Variants in VAT1L observed in about 807,000 individuals in gnomAD.
VAT1L encodes vesicle amine transport 1 like.
A neutral mutation model predicts 44.1 loss-of-function variants in VAT1L; 34 were observed. The observed-to-expected ratio is 0.77, with a 90% CI of 0.59 to 1.03. VAT1L has a LOEUF of 1.03. Among genes scored for constraint, VAT1L ranks in the 50% least tolerant of loss-of-function variants. The pLI, the probability that VAT1L is intolerant of heterozygous loss-of-function variation, is 0.00. For missense variants in VAT1L, 615 were observed against 538.8 expected, an observed-to-expected ratio of 1.14 and a Z score of -1.40; for synonymous variants, 253 against 202.2, an observed-to-expected ratio of 1.25 and a Z score of -2.13.
chr16:77,900,167 G>A (rs1409770134), intron 7 of VAT1L, among the ~76,000 whole-genome samples: 2 of 152,144 alleles, frequency 1.3e-5, no homozygotes, highest in Non-Finnish European at 2.9e-5. Context: ...AGATATGTGT[G>A]TGTTATAAAC....
chr16:77,881,197 T>A (rs1291773020), intron 6 of VAT1L, among the ~76,000 whole-genome samples: 1 of 152,210 alleles, frequency 6.6e-6, no homozygotes, highest in Non-Finnish European at 1.5e-5. Flanking sequence ...CACAAGGGTT[T>A]ATTTTTGCCC....
At chr16:77,889,004 G>A (rs918199452) in intron 7 of VAT1L, among the ~76,000 whole-genome samples, 9 of 152,178 alleles carry the variant, frequency 5.9e-5, no homozygotes, top group Admixed American at 1.3e-4. Context: ...AGCTGCAGTC[G>A]GACCAAACGT....
Position 77,974,729 on chromosome 16 carries a change from AT to A in VAT1L, c.1161+2806del, listed in dbSNP as rs201653933. Reference sequence around the variant, plus strand: ...AGGCACATGCCACCACACCCAGCTAATTTTTTTTTTATTATTTTTAGTAGAG... The same window carrying A: ...AGGCACATGCCACCACACCCAGCTAATTTTTTTTTATTATTTTTAGTAGAG... On this transcript the variant is annotated intron_variant, in intron 8 of 8. Coordinates refer to ENST00000302536, the MANE Select transcript of VAT1L (RefSeq NM_020927.3). Among the ~76,000 whole-genome samples, 221 of 150,348 alleles carry A rather than the reference AT, an allele frequency of 1.5e-3. 2 individuals are homozygous for A. The highest frequency in any genetic ancestry group is 9.4e-3 in the Admixed American group (142 of 15,042).
At chr16:77,921,869 G>A (rs1597099861) in intron 7 of VAT1L, among the ~76,000 whole-genome samples, 3 of 151,702 alleles carry the variant, frequency 2.0e-5, no homozygotes, top group East Asian at 3.9e-4. Flanking sequence ...TCAGCCTCCC[G>A]AGTAGCTGGG....
At chr16:77,832,079 C>T (rs1053354464) in intron 3 of VAT1L, among the ~76,000 whole-genome samples, 4 of 151,386 alleles carry the variant, frequency 2.6e-5, no homozygotes, top group Non-Finnish European at 4.4e-5. Flanking sequence ...CCACCAACCT[C>T]GGCTTCTCAA....
At chr16:77,806,267 T>G (rs892236807) in intron 1 of VAT1L, among the ~76,000 whole-genome samples, 2 of 152,074 alleles carry the variant, frequency 1.3e-5, no homozygotes, top group African/African-American at 4.8e-5. Flanking sequence ...TGGAGTGCAG[T>G]GGCAAGATCT....
intron 7 of VAT1L, among the ~76,000 whole-genome samples, chr16:77,938,239 T>C (rs760138750): frequency 6.6e-6 from 1 of 152,190 alleles, no homozygotes; most frequent in Non-Finnish European, 1.5e-5. Flanking sequence ...TCTAAATGTG[T>C]CTTATGTCTC....
At chr16:77,954,831 C>T (rs1214104446) in intron 7 of VAT1L, among the ~76,000 whole-genome samples, 1 of 152,148 alleles carries the variant, frequency 6.6e-6, no homozygotes, top group Non-Finnish European at 1.5e-5. Flanking sequence ...GAGTAGACTA[C>T]CTGTCCAGTC....
At position 77,927,606 on chromosome 16, in the gene VAT1L, G is replaced by C. The variant is rs547892939; in HGVS notation, c.1077+42804G>C. ...AAATTGAAAAACTTTGGCCAGGCGC[G>C]GTAGCTTTTGCCTGTAATCCCAGCA... On this transcript the variant is annotated intron_variant, in intron 7 of 8. Transcript: ENST00000302536. Among the ~76,000 whole-genome samples, 113 of 152,114 alleles carry C rather than the reference G, an allele frequency of 7.4e-4. 1 individual carries two copies. Among genetic ancestry groups the C allele is most frequent in the Non-Finnish European group, 1.5e-3 (102 of 68,006 alleles).
chr16:77,881,069 G>A lies in VAT1L; in HGVS notation c.882+1845G>A, dbSNP rs1031948836. Among the ~76,000 whole-genome samples, 8 of 152,214 alleles carry A rather than the reference G, an allele frequency of 5.3e-5. No individual in the cohort carries two copies. The South Asian group carries it at 1.4e-3, about 28-fold the overall frequency. On this transcript the variant is annotated intron_variant, in intron 6 of 8. Coordinates refer to ENST00000302536, the MANE Select transcript of VAT1L (RefSeq NM_020927.3). ...AATGGCAATGAACATACGGGTGCAT[G>A]TGTCCTTTTGATAGAACGATTTACT...
At chr16:77,849,146 A>G (rs1317366147) in intron 3 of VAT1L, among the ~76,000 whole-genome samples, 1 of 150,506 alleles carries the variant, frequency 6.6e-6, no homozygotes, top group African/African-American at 2.4e-5. Flanking sequence ...CTATGTAACA[A>G]ACCTGCACAT....
chr16:77,855,341 GA>G (rs747929473), intron 3 of VAT1L, among the ~76,000 whole-genome samples: 509 of 95,924 alleles, frequency 5.3e-3, no homozygotes, highest in African/African-American at 9.6e-3. Flanking sequence ...CTCCATCTCA[GA>G]AAAAAAAAAA....
At chr16:77,947,238 G>C (rs940478946) in intron 7 of VAT1L, among the ~76,000 whole-genome samples, 1 of 152,154 alleles carries the variant, frequency 6.6e-6, no homozygotes, top group African/African-American at 2.4e-5. Flanking sequence ...TCTGCTTCTA[G>C]TGCTAATTAA....
At chr16:77,790,764 C>T (rs1203736910) in intron 1 of VAT1L, among the ~76,000 whole-genome samples, 1 of 152,142 alleles carries the variant, frequency 6.6e-6, no homozygotes, top group Non-Finnish European at 1.5e-5. Context: ...AATGATAAAA[C>T]TACTTTTTAA....
At chr16:77,956,397 C>A (rs1315295367) in intron 7 of VAT1L, among the ~76,000 whole-genome samples, 2 of 152,178 alleles carry the variant, frequency 1.3e-5, no homozygotes, top group Non-Finnish European at 2.9e-5. Context: ...CTCCCACTTA[C>A]CTCATTGGGT....
At chr16:77,818,705 G>A (rs751492060) in intron 2 of VAT1L, among the ~76,000 whole-genome samples, 8 of 152,062 alleles carry the variant, frequency 5.3e-5, no homozygotes, top group Non-Finnish European at 8.8e-5. Flanking sequence ...AATTTGCCCT[G>A]GCTTGTTTAC....
intron 7 of VAT1L, chr16:77,892,305 T>G (rs919556259): frequency 4.6e-5 from 12 of 263,112 alleles, no homozygotes; most frequent in Non-Finnish European, 6.7e-5. Flanking sequence ...TATGGCAGAT[T>G]TCAACTAGCT....
Position 77,788,903 on chromosome 16 carries a change from G to A in VAT1L, c.221G>A (p.Arg74His). 6.5e-7 allele frequency: 1 copy of A among 1,529,354 alleles called. No individual in the cohort carries two copies. Among genetic ancestry groups the A allele is most frequent in the Non-Finnish European group, 8.8e-7 (1 of 1,139,916 alleles). The allele number at this position is 1,529,354 out of a possible 1,614,324, so 94.7% of individuals were successfully genotyped here. A position where few individuals can be genotyped will look rare whatever the true frequency, so the allele number is the denominator to read the frequency against. The change falls in exon 1 of 9, where the codon CGC (arginine) becomes CAC (histidine). Residue 74 changes from arginine to histidine, a missense_variant. Transcript: ENST00000302536. The stretch of plus-strand genomic sequence containing the variant: ...CCTCAGGACGGCGAGCTCAAGATCC[G>A]CGTCAAAGCCTGGTCCAGTATCCGC... ...PEPQDGELKI[R>H]VKACGLNFID...
At chr16:77,864,872 T>A (rs905998441) in intron 4 of VAT1L, among the ~76,000 whole-genome samples, 1 of 152,138 alleles carries the variant, frequency 6.6e-6, no homozygotes, top group Admixed American at 6.5e-5. Context: ...ATGTTAGAAG[T>A]TGACCCTCTG....
Sources: gnomAD v4.1 joint callset for allele counts (sites outside exome capture counted in the v4.1 genomes callset) on GRCh38, gnomAD v4.1.1 for gene constraint, MANE v1.5 for transcripts, NCBI Gene and HGNC (gene_info 2026-07-23, HGNC 2026-07-21) for gene names.